The following DSCAM variants were observed in gnomAD, a reference collection of about 807,000 sequenced individuals.
DSCAM encodes the protein cell adhesion molecule DSCAM.
Under a neutral mutation model 217.7 loss-of-function variants are expected in DSCAM, and 47 were observed. The ratio of observed to expected loss-of-function variants is 0.22; its 90% CI spans 0.17 to 0.28. The LOEUF (loss-of-function observed/expected upper bound fraction) is 0.28, where lower values mean the gene tolerates loss of function less well. Among genes scored for constraint, DSCAM ranks in the 10% least tolerant of loss-of-function variants. The pLI is 1.00. For missense variants in DSCAM, 2,080 were observed against 2,618.3 expected, an observed-to-expected ratio of 0.79 and a Z score of 4.49; for synonymous variants, 1,056 against 1,015.3, an observed-to-expected ratio of 1.04 and a Z score of -0.76.
intron 8 of DSCAM, among the ~76,000 whole-genome samples, chr21:40,329,459 C>A (rs953243540): frequency 6.6e-6 from 1 of 151,780 alleles, no homozygotes; most frequent in African/African-American, 2.4e-5. Context: ...ACTAAAAATA[C>A]AAAAATTAGC....
chr21:40,492,416 T>C (rs2076082856), intron 3 of DSCAM, among the ~76,000 whole-genome samples: 1 of 152,144 alleles, frequency 6.6e-6, no homozygotes, highest in African/African-American at 2.4e-5. Context: ...AAATTTATGA[T>C]CTTTCTCACA....
chr21:40,520,860 A>G (rs1324509576), intron 3 of DSCAM, among the ~76,000 whole-genome samples: 3 of 152,172 alleles, frequency 2.0e-5, no homozygotes, highest in Non-Finnish European at 4.4e-5. Flanking sequence ...TAGTGTGTAT[A>G]TAAGGAATTG....
chr21:40,083,854 G>T, intron 24 of DSCAM, 54 bp downstream of exon 24: 1 of 1,425,166 alleles, frequency 7.0e-7, no homozygotes, highest in African/African-American at 1.4e-5. Context: ...GTCACTTATT[G>T]GCATGTGGAT....
chr21:40,744,940 T>C (rs970999778), intron 1 of DSCAM, among the ~76,000 whole-genome samples: 13 of 152,312 alleles, frequency 8.5e-5, no homozygotes, highest in African/African-American at 3.1e-4. Flanking sequence ...ATTTGAGAAA[T>C]TTAGCAAGTA....
intron 3 of DSCAM, among the ~76,000 whole-genome samples, chr21:40,684,589 C>A (rs548823773): frequency 6.6e-6 from 1 of 152,222 alleles, no homozygotes; most frequent in Non-Finnish European, 1.5e-5. Flanking sequence ...CTCTGCTCGA[C>A]AATACCTTGA....
At chr21:40,659,075 A>G (rs1217742220) in intron 3 of DSCAM, among the ~76,000 whole-genome samples, 1 of 152,132 alleles carries the variant, frequency 6.6e-6, no homozygotes, top group Non-Finnish European at 1.5e-5. Context: ...GGGCTCAGCA[A>G]CATACAGACG....
intron 3 of DSCAM, among the ~76,000 whole-genome samples, chr21:40,577,763 A>G (rs462992): frequency 0.72 from 108,847 of 152,112 alleles, 39,321 homozygotes; most frequent in East Asian, 0.83. Context: ...AGGATAAATG[A>G]TTACAGGAAA....
intron 1 of DSCAM, among the ~76,000 whole-genome samples, chr21:40,741,371 C>T (rs955475563): frequency 6.6e-6 from 1 of 152,112 alleles, no homozygotes; most frequent in African/African-American, 2.4e-5. Context: ...CATGTGAATG[C>T]ACATGCATGC....
chr21:40,659,114 G>A (rs901398245), intron 3 of DSCAM, among the ~76,000 whole-genome samples: 1 of 152,126 alleles, frequency 6.6e-6, no homozygotes, highest in Non-Finnish European at 1.5e-5. Context: ...TGCCCCCACA[G>A]ATGTCACCAA....
intron 11 of DSCAM, among the ~76,000 whole-genome samples, chr21:40,240,864 A>G (rs1263947391): frequency 6.6e-6 from 1 of 152,194 alleles, no homozygotes; most frequent in Non-Finnish European, 1.5e-5. Flanking sequence ...TGATGATTCT[A>G]TCAAGATCTA....
chr21:40,276,814 A>T (rs1002632466), intron 10 of DSCAM, among the ~76,000 whole-genome samples: 7 of 152,182 alleles, frequency 4.6e-5, no homozygotes, highest in Admixed American at 2.6e-4. Context: ...ATTTAATGTT[A>T]TTTAAATAAA....
chr21:40,650,698 G>C (rs2090002372), intron 3 of DSCAM, among the ~76,000 whole-genome samples: 1 of 152,212 alleles, frequency 6.6e-6, no homozygotes, highest in Non-Finnish European at 1.5e-5. Context: ...GGCGGATCAT[G>C]AGGTCAGTAG....
chr21:40,020,793 T>C (rs769016385), intron 32 of DSCAM, among the ~76,000 whole-genome samples: 4 of 152,154 alleles, frequency 2.6e-5, no homozygotes, highest in Non-Finnish European at 5.9e-5. Context: ...CCAGCATGAA[T>C]ACAAAGGCTC....
At chr21:40,753,614 A>G (rs9978138) in intron 1 of DSCAM, among the ~76,000 whole-genome samples, 2,030 of 152,348 alleles carry the variant, frequency 0.013, 25 homozygotes, top group Non-Finnish European at 0.024. Context: ...CTATCAGAGT[A>G]GCCAGAGGTA....
At chr21:40,602,011 TGGCC>T (rs2077065652) in intron 3 of DSCAM, among the ~76,000 whole-genome samples, 1 of 151,844 alleles carries the variant, frequency 6.6e-6, no homozygotes, top group Non-Finnish European at 1.5e-5. Flanking sequence ...AGGATAATAC[TGGCC>T]TCATCAAATG....
intron 3 of DSCAM, among the ~76,000 whole-genome samples, chr21:40,614,702 C>T (rs923682771): frequency 3.3e-5 from 5 of 152,094 alleles, no homozygotes; most frequent in African/African-American, 1.2e-4. Context: ...TGTCCAGTAA[C>T]GGAAGTGCTG....
chr21:40,489,013 T>C lies in DSCAM; in HGVS notation c.509-119768A>G, dbSNP rs563201139. Among the ~76,000 whole-genome samples, 168 of 152,324 alleles carry C rather than the reference T, an allele frequency of 1.1e-3. 2 individuals carry two copies. In the South Asian group the frequency reaches 0.032, roughly 29 times the overall value. The stretch of plus-strand genomic sequence containing the variant: ...TCATGGGCACTATTCTCTAGGTCTA[T>C]GCTTCTAAAAAACCACAACACAAAA... On this transcript the variant is annotated intron_variant, in intron 3 of 32. Coordinates refer to ENST00000400454, the MANE Select transcript of DSCAM (RefSeq NM_001389.5).
intron 11 of DSCAM, among the ~76,000 whole-genome samples, chr21:40,251,393 A>AC (rs2073302665): frequency 1.3e-5 from 2 of 152,128 alleles, no homozygotes; most frequent in Admixed American, 6.5e-5. Flanking sequence ...TCACTATATT[A>AC]ATTTTTTTTT....
intron 3 of DSCAM, among the ~76,000 whole-genome samples, chr21:40,465,994 CT>C (rs2075842090): frequency 6.6e-6 from 1 of 152,094 alleles, no homozygotes; most frequent in African/African-American, 2.4e-5. Context: ...GGAATCATGC[CT>C]GCAAAAATCT....
Sources: allele counts gnomAD v4.1 joint callset (sites outside exome capture counted in the v4.1 genomes callset), GRCh38; gene constraint gnomAD v4.1.1; transcripts MANE v1.5; gene names NCBI Gene and HGNC (gene_info 2026-07-23, HGNC 2026-07-21).